The following TSEN54 variants were observed in gnomAD, a reference collection of about 807,000 sequenced individuals.
TSEN54 encodes tRNA splicing endonuclease subunit 54, also known as tRNA-splicing endonuclease subunit Sen54.
TSEN54 carries 55 observed loss-of-function variants against 61.9 expected under a neutral mutation model. The ratio of observed to expected loss-of-function variants is 0.89; its 90% CI spans 0.72 to 1.11. TSEN54 has a LOEUF of 1.11. Ranked by LOEUF, TSEN54 falls within the 50% of genes most tolerant of loss-of-function variation. The probability of loss-of-function intolerance (pLI) is 0.00; values close to 1 mark genes in which losing one functional copy is unlikely to be tolerated. For synonymous variants in TSEN54, 304 were observed against 288.7 expected, an observed-to-expected ratio of 1.05 and a Z score of -0.54; for missense variants, 760 against 687.7, an observed-to-expected ratio of 1.11 and a Z score of -1.18.
intron 2 of TSEN54, 22 bp from the exon 3 acceptor site, chr17:75,516,987 A>AC: frequency 6.4e-7 from 1 of 1,566,700 alleles, no homozygotes; most frequent in Non-Finnish European, 8.6e-7. Context: ...ACTGACGCAG[A>AC]CCCCTCCCCA....
chr17:75,522,225 A>G lies in TSEN54; in HGVS notation c.1144A>G (p.Lys382Glu), dbSNP rs1353629880. The G allele has an allele frequency of 1.9e-6, 3 of 1,549,136 alleles. No individual in the cohort carries two copies. Among genetic ancestry groups the G allele is most frequent in the Admixed American group, 1.9e-5 (1 of 51,362 alleles). The change falls in exon 8 of 11, where the codon AAG becomes GAG. Residue 382 changes from lysine to glutamate, a missense_variant. Lys to Glu is a moderately conservative substitution (Grantham distance 56, BLOSUM62 1). Around this residue, in one of 3 missense-constraint regions of TSEN54, gnomAD observed 667 missense variants for 577.8 expected, o/e 1.15. Transcript: ENST00000333213. The part of the protein sequence containing the change: ...VQRCSSWREY[K>E]ELLQRRQVQR... ...GCGGTGCTCCAGCTGGCGGGAGTAC[A>G]AGGAGCTGCTGCAGCGGCGGCAGGT... is the stretch of plus-strand genomic sequence containing the variant.
intron 6 of TSEN54, among the ~76,000 whole-genome samples, chr17:75,520,957 A>G (rs925202155): frequency 8.1e-6 from 1 of 123,024 alleles, no homozygotes; most frequent in African/African-American, 3.6e-5. Flanking sequence ...TGTGTCTCAA[A>G]AAAAAAAAAA....
rs538185484 is a variant in TSEN54, at chr17:75,522,639, A to G, written c.1252+306A>G. On this transcript the variant is annotated intron_variant, in intron 8 of 10. Coordinates refer to ENST00000333213, the MANE Select transcript of TSEN54 (RefSeq NM_207346.3). The stretch of plus-strand genomic sequence containing the variant: ...CTGTGATCCCAACCTGTTAGATGGG[A>G]AAAGGAGGTGCCTTCTTGGCCAAGT... The G allele has an allele frequency of 1.5e-5, 15 of 987,274 alleles. No individual in the cohort carries two copies. The East Asian group carries it at 4.4e-4, about 29-fold the overall frequency. 61.2% of individuals were successfully genotyped at this position (987,274 alleles called of 1,614,324 possible).
At chr17:75,518,476 G>T in intron 5 of TSEN54, 1 of 971,076 alleles carries the variant, frequency 1.0e-6, no homozygotes, top group South Asian at 4.8e-5. Flanking sequence ...GGAGGAAGTG[G>T]TTAGCTGTGC....
chr17:75,521,576 GCTTT>G (rs1181178326), intron 7 of TSEN54, 66 bp downstream of exon 7: 7 of 1,584,860 alleles, frequency 4.4e-6, no homozygotes, highest in African/African-American at 1.3e-5. Flanking sequence ...AAATGCACAG[GCTTT>G]CTAAGAACCA....
At chr17:75,522,591 T>C in intron 8 of TSEN54, 1 of 1,336,730 alleles carries the variant, frequency 7.5e-7, no homozygotes, top group South Asian at 1.6e-5. Flanking sequence ...AACATGCATG[T>C]GGATGGCTTT....
chr17:75,516,960 CG>C lies in TSEN54; in HGVS notation c.222-45del, dbSNP rs1046841586. On this transcript the variant is annotated intron_variant, in intron 2 of 10. Coordinates refer to ENST00000333213, the MANE Select transcript of TSEN54 (RefSeq NM_207346.3). ...AGGGAAGCGGGGGCGAGGCGGGCCG[CG>C]GGGTCTCCGGAATGGACTGACGCAG... is the stretch of plus-strand genomic sequence containing the variant. 9 of 1,545,330 alleles carry C rather than the reference CG, an allele frequency of 5.8e-6. No individual in the cohort carries two copies. In the African/African-American group the frequency reaches 1.2e-4, roughly 21 times the overall value.
At position 75,523,657 on chromosome 17, in the gene TSEN54, T is replaced by C; in HGVS notation, c.1314-6T>C. Reference sequence around the variant, plus strand: ...CATGTCATAACGTTTCTCATTGTATTGTCAGGCTGTTGGAGAAGTCTGGGG... The same window carrying C: ...CATGTCATAACGTTTCTCATTGTATCGTCAGGCTGTTGGAGAAGTCTGGGG... On this transcript the variant is annotated splice_region_variant and splice_polypyrimidine_tract_variant and intron_variant, in intron 9 of 10. Coordinates refer to ENST00000333213, the MANE Select transcript of TSEN54 (RefSeq NM_207346.3). 6.2e-6 allele frequency: 10 copies of C among 1,614,192 alleles called. No homozygotes were observed. Among genetic ancestry groups the C allele is most frequent in the Non-Finnish European group, 8.5e-6 (10 of 1,180,032 alleles).
rs2053368625 is a variant in TSEN54 at position 75,516,599 on chromosome 17, C to T, written c.39C>T (p.Pro13=). The T allele has an allele frequency of 1.7e-6, 2 of 1,169,916 alleles. No individual in the cohort carries two copies. 72.5% of individuals were successfully genotyped at this position (1,169,916 alleles called of 1,614,324 possible). Residue 13 remains proline (P), a synonymous_variant, in exon 1 of 11, where the codon CCC becomes CCT. Transcript: ENST00000333213. ...CCGAGCCCGCGGCCGTGGAGGTTCC[C>T]GCGGGGCGCGTGCTCAGGTGCGGCG... is the stretch of plus-strand genomic sequence containing the variant. ...PEPEPAAVEV[P]AGRVLSAREL...
intron 4 of TSEN54, 127 bp downstream of exon 4, chr17:75,517,371 G>A: frequency 1.6e-6 from 2 of 1,257,528 alleles, no homozygotes; most frequent in Non-Finnish European, 2.3e-6. Context: ...AAAGCAGGAG[G>A]TGGTACGTTG....
In TSEN54 at chr17:75,516,896, G is replaced by A; in HGVS notation, c.207G>A (p.Gln69=). 1.3e-6 allele frequency: 2 copies of A among 1,547,134 alleles called. No individual in the cohort carries two copies. The highest frequency in any genetic ancestry group is 2.4e-5 in the East Asian group (1 of 41,878). Residue 69 remains glutamine (Q), a synonymous_variant, in exon 2 of 11, where the codon CAG becomes CAA. Coordinates refer to ENST00000333213, the MANE Select transcript of TSEN54 (RefSeq NM_207346.3). ...REELWQLLAE[Q]RVERLGSLVA... ...AGCTCTGGCAGCTGCTGGCAGAGCA[G>A]CGCGTGGAGCGCCTGTGAGAGGGGC...
intron 5 of TSEN54, chr17:75,518,593 C>G (rs1389141117): frequency 2.6e-5 from 26 of 985,268 alleles, no homozygotes; most frequent in Non-Finnish European, 3.0e-5. Context: ...CAGAAACTTC[C>G]CACCGGCATC....
At position 75,517,765 on chromosome 17, in the gene TSEN54, A is replaced by G. The variant is rs562997349; in HGVS notation, c.468+110A>G. ...GTGTCACATGCTGGGGCTGCAGGGC[A>G]GACGAGGGCTATGCTGTCACGAGGC... On this transcript the variant is annotated intron_variant, in intron 5 of 10. Coordinates refer to ENST00000333213, the MANE Select transcript of TSEN54 (RefSeq NM_207346.3). The G allele has an allele frequency of 8.4e-6, 8 of 956,586 alleles. No individual in the cohort carries two copies. The East Asian group carries it at 1.2e-4, about 14-fold the overall frequency. 59.3% of individuals were successfully genotyped at this position (956,586 alleles called of 1,614,324 possible).
intron 8 of TSEN54, chr17:75,522,898 A>G: frequency 3.2e-6 from 1 of 313,024 alleles, no homozygotes; most frequent in South Asian, 3.1e-5. Context: ...AAATGTTGCT[A>G]GGCTGGACAC....
intron 4 of TSEN54, 63 bp from the exon 5 acceptor site, chr17:75,517,494 G>A: frequency 6.9e-7 from 1 of 1,459,752 alleles, no homozygotes; most frequent in Non-Finnish European, 9.6e-7. Context: ...CTGGGAAGTT[G>A]CCCCATTCCT....
Position 75,516,989 on chromosome 17 carries a change from C to A in TSEN54, c.222-20C>A. ...GTCTCCGGAATGGACTGACGCAGAC[C>A]CCTCCCCACTCCTCGCCAGGGGCAG... On this transcript the variant is annotated intron_variant, in intron 2 of 10. Transcript: ENST00000333213. 6.4e-7 allele frequency: 1 copy of A among 1,568,996 alleles called. No individual in the cohort carries two copies. Among genetic ancestry groups the A allele is most frequent in the East Asian group, 2.4e-5 (1 of 42,356 alleles).
intron 9 of TSEN54, 161 bp from the exon 10 acceptor site, chr17:75,523,498 AGAGG>A: frequency 6.3e-7 from 1 of 1,597,960 alleles, no homozygotes; most frequent in Non-Finnish European, 8.5e-7. Context: ...TGTCTAGGGA[AGAGG>A]GAGAATAACC....
chr17:75,523,758 A>G lies in TSEN54; in HGVS notation c.1409A>G (p.Tyr470Cys). ...TFRKNNPGKPYARMCISGFDE... is the reference protein window; with the variant it reads ...TFRKNNPGKPCARMCISGFDE... ...CGAAAGAATAACCCTGGCAAACCCT[A>G]TGCCCGGATGTGCATTAGTGGGTAC... Residue 470 changes from tyrosine (Y) to cysteine (C), a missense_variant, in exon 10 of 11, where the codon TAT (tyrosine) becomes TGT (cysteine). Coordinates refer to ENST00000333213, the MANE Select transcript of TSEN54 (RefSeq NM_207346.3). The G allele has an allele frequency of 6.2e-7, 1 of 1,613,968 alleles. No homozygotes were observed. Among genetic ancestry groups the G allele is most frequent in the Non-Finnish European group, 8.5e-7 (1 of 1,179,918 alleles).
chr17:75,522,585 T>G, intron 8 of TSEN54: 3 of 1,381,718 alleles, frequency 2.2e-6, no homozygotes, highest in Non-Finnish European at 2.8e-6. Context: ...ATAAACAACA[T>G]GCATGTGGAT....
Sources: allele counts gnomAD v4.1 joint callset (sites outside exome capture counted in the v4.1 genomes callset), GRCh38; gene constraint gnomAD v4.1.1; regional missense constraint gnomAD v4.1.1; transcripts MANE v1.5; gene names NCBI Gene and HGNC (gene_info 2026-07-23, HGNC 2026-07-21).